Variants in AGK observed in about 807,000 individuals in gnomAD.
The protein encoded by AGK is acylglycerol kinase, mitochondrial.
In AGK, 52 loss-of-function variants were observed where a neutral mutation model predicts 66.4. The ratio of observed to expected loss-of-function variants is 0.78; its 90% CI spans 0.63 to 0.99. AGK has a LOEUF of 0.99. Among genes scored for constraint, AGK ranks in the 50% least tolerant of loss-of-function variants. AGK has a pLI of 0.00. For missense variants in AGK, 451 were observed against 506.6 expected (o/e 0.89, Z 1.05); for synonymous variants, 182 against 181.1 (o/e 1.00, Z -0.04).
At chr7:141,563,859 T>A (rs1795404046) in intron 2 of AGK, among the ~76,000 whole-genome samples, 1 of 152,238 alleles carries the variant, frequency 6.6e-6, no homozygotes, top group African/African-American at 2.4e-5. Flanking sequence ...GTAGATTCCT[T>A]GATCCAACAC....
At chr7:141,560,965 T>C (rs1795334377) in intron 2 of AGK, among the ~76,000 whole-genome samples, 3 of 152,118 alleles carry the variant, frequency 2.0e-5, no homozygotes, top group African/African-American at 7.2e-5. Context: ...AGCTAATTTT[T>C]TGTATTTTTA....
At chr7:141,554,914 G>T (rs1303086668) in intron 1 of AGK, among the ~76,000 whole-genome samples, 1 of 152,166 alleles carries the variant, frequency 6.6e-6, no homozygotes. Context: ...TTTTTAGATA[G>T]CCATGTACAT....
intron 2 of AGK, among the ~76,000 whole-genome samples, chr7:141,572,046 A>G (rs1795618432): frequency 6.6e-6 from 1 of 152,200 alleles, no homozygotes; most frequent in Non-Finnish European, 1.5e-5. Context: ...ATATTTTTGG[A>G]GAGTGGCAAA....
chr7:141,638,758 T>C (rs1797226170), intron 11 of AGK, among the ~76,000 whole-genome samples: 1 of 152,208 alleles, frequency 6.6e-6, no homozygotes, highest in African/African-American at 2.4e-5. Context: ...CTGATGTTGG[T>C]AATACTAGAG....
At chr7:141,601,058 G>T (rs1796329978) in intron 4 of AGK, 147 bp from the exon 5 acceptor site, 4 of 569,604 alleles carry the variant, frequency 7.0e-6, no homozygotes, top group Non-Finnish European at 9.1e-6. Context: ...CTCATTACTT[G>T]TTGTTAAACT....
chr7:141,635,487 A>G (rs995279436), intron 10 of AGK, among the ~76,000 whole-genome samples: 1 of 152,216 alleles, frequency 6.6e-6, no homozygotes, highest in East Asian at 1.9e-4. Flanking sequence ...ACAAAAAATC[A>G]GATGATCAAG....
At chr7:141,633,322 A>G (rs1275339927) in intron 9 of AGK, among the ~76,000 whole-genome samples, 1 of 152,190 alleles carries the variant, frequency 6.6e-6, no homozygotes, top group East Asian at 1.9e-4. Flanking sequence ...CATTTTTTCT[A>G]TATATTGCTT....
chr7:141,654,414 T>C lies in AGK; in HGVS notation c.*1490T>C, dbSNP rs1204683372. 6.6e-6 allele frequency: 1 copy of C among 152,228 alleles called. No homozygotes were observed. Among genetic ancestry groups the C allele is most frequent in the Non-Finnish European group, 1.5e-5 (1 of 68,028 alleles). 9.4% of individuals were successfully genotyped at this position (152,228 alleles called of 1,614,324 possible). ...AATAGAATTACGTTAACAATGTTTT[T>C]ACAGTTCTTTGGATTCCTTTGGCAT... On this transcript the variant is annotated 3_prime_UTR_variant, in exon 16 of 16. Transcript: ENST00000649286.
At position 141,621,730 on chromosome 7, in the gene AGK, A is replaced by G; in HGVS notation, c.519-2A>G. On this transcript the variant is annotated splice_acceptor_variant, in intron 8 of 15. Transcript: ENST00000649286. LOFTEE classifies it high-confidence loss of function. ...ATATGATCATTTCCTTTTCTCTTTT[A>G]GACATATTACTGATGCCACACTTGC... 2.5e-6 allele frequency: 4 copies of G among 1,609,762 alleles called. No individual in the cohort carries two copies. Among genetic ancestry groups the G allele is most frequent in the Non-Finnish European group, 3.4e-6 (4 of 1,176,398 alleles).
chr7:141,556,420 A>T (rs1795210988), intron 2 of AGK, among the ~76,000 whole-genome samples: 1 of 151,972 alleles, frequency 6.6e-6, no homozygotes, highest in Non-Finnish European at 1.5e-5. Flanking sequence ...GTGCACCTGT[A>T]GTCCCAGCTA....
chr7:141,581,138 G>A (rs1025142101), intron 2 of AGK, among the ~76,000 whole-genome samples: 4 of 151,922 alleles, frequency 2.6e-5, no homozygotes, highest in East Asian at 1.9e-4. Context: ...GCCGATATAC[G>A]TAACAGATGA....
intron 8 of AGK, among the ~76,000 whole-genome samples, chr7:141,619,130 A>C (rs1796771118): frequency 6.6e-6 from 1 of 152,162 alleles, no homozygotes; most frequent in East Asian, 1.9e-4. Flanking sequence ...TCCACAACTG[A>C]TCTATAAATT....
chr7:141,556,234 C>T (rs1795207685), intron 2 of AGK, among the ~76,000 whole-genome samples: 2 of 152,014 alleles, frequency 1.3e-5, no homozygotes, highest in Non-Finnish European at 2.9e-5. Flanking sequence ...TGTCAGTGAG[C>T]AGAGGGGTGA....
At chr7:141,623,109 G>A (rs1796859436) in intron 9 of AGK, among the ~76,000 whole-genome samples, 1 of 152,196 alleles carries the variant, frequency 6.6e-6, no homozygotes, top group South Asian at 2.1e-4. Context: ...GCCTGGTGCA[G>A]TGGCTCATGC....
chr7:141,559,821 C>G (rs913428409), intron 2 of AGK, among the ~76,000 whole-genome samples: 6 of 151,950 alleles, frequency 3.9e-5, no homozygotes, highest in South Asian at 2.1e-4. Flanking sequence ...AAGTTTATTC[C>G]TAAGTATTTT....
intron 9 of AGK, among the ~76,000 whole-genome samples, chr7:141,631,854 G>A (rs1016455141): frequency 5.3e-5 from 8 of 152,208 alleles, no homozygotes; most frequent in South Asian, 2.1e-4. Context: ...TGACCTCTCC[G>A]GCCTCATTTG....
intron 14 of AGK, chr7:141,650,396 T>C (rs1289999574): frequency 4.3e-6 from 2 of 463,050 alleles, no homozygotes; most frequent in Non-Finnish European, 5.7e-6. Context: ...CCCAATTCTA[T>C]TGCTAAGGTT....
chr7:141,637,044 T>C (rs1476795781), intron 11 of AGK, 27 bp downstream of exon 11: 7 of 1,598,106 alleles, frequency 4.4e-6, no homozygotes, highest in South Asian at 1.1e-5. Flanking sequence ...GTGTAGAAAT[T>C]TGCTGTGTTA....
chr7:141,650,897 T>G (rs959665931), intron 14 of AGK, among the ~76,000 whole-genome samples: 2 of 152,222 alleles, frequency 1.3e-5, no homozygotes, highest in Non-Finnish European at 2.9e-5. Context: ...ATCTCTAGAT[T>G]ACTTATAATA....
Sources: gnomAD v4.1 joint callset for allele counts (sites outside exome capture counted in the v4.1 genomes callset) on GRCh38, gnomAD v4.1.1 for gene constraint, MANE v1.5 for transcripts, NCBI Gene and HGNC (gene_info 2026-07-23, HGNC 2026-07-21) for gene names.